The following FAT3 variants were observed in gnomAD, a reference collection of about 807,000 sequenced individuals.
FAT3 encodes the protein protocadherin Fat 3.
A neutral mutation model predicts 310.2 loss-of-function variants in FAT3; 95 were observed. The ratio of observed to expected loss-of-function variants is 0.31; its 90% CI spans 0.26 to 0.36. FAT3 has a LOEUF of 0.36. Ranked by LOEUF, FAT3 falls within the 10% of genes least tolerant of loss-of-function variation. FAT3 has a pLI of 1.00. For missense variants in FAT3, 5,408 were observed against 5,715.6 expected, an observed-to-expected ratio of 0.95 and a Z score of 1.74; for synonymous variants, 2,314 against 2,192.9, an observed-to-expected ratio of 1.06 and a Z score of -1.54.
intron 2 of FAT3, among the ~76,000 whole-genome samples, chr11:92,429,449 T>A (rs557108017): frequency 6.6e-6 from 1 of 152,302 alleles, no homozygotes; most frequent in Admixed American, 6.5e-5. Context: ...TTTTGCCCAT[T>A]AGTTGATGCA....
At chr11:92,376,545 A>G (rs999924347) in intron 2 of FAT3, among the ~76,000 whole-genome samples, 5 of 152,170 alleles carry the variant, frequency 3.3e-5, no homozygotes, top group African/African-American at 9.7e-5. Context: ...TTTCAAGAAC[A>G]TGTCAACTGT....
At chr11:92,866,676 AG>A (rs1949254696) in intron 21 of FAT3, 64 bp from the exon 22 acceptor site, 4 of 1,434,178 alleles carry the variant, frequency 2.8e-6, no homozygotes, top group Admixed American at 4.2e-5. Flanking sequence ...GGCCAGGAGC[AG>A]GGTGTAGGGA....
rs114955139 is a variant in FAT3, at chr11:92,738,233, G to T, written c.3670-23623G>T. On this transcript the variant is annotated intron_variant, in intron 4 of 27. Coordinates refer to ENST00000525166, the MANE Select transcript of FAT3 (RefSeq NM_001367949.2). ...GAAGAATTCCGTAATCACCTTATGA[G>T]AAGAGAACTCAATAATATAGATTTT... 4.8e-3 allele frequency among the ~76,000 whole-genome samples: 729 copies of T among 152,236 alleles called. 6 individuals are homozygous for T. The highest frequency in any genetic ancestry group is 0.016 in the African/African-American group (682 of 41,544).
intron 13 of FAT3, among the ~76,000 whole-genome samples, chr11:92,812,741 A>G (rs1051574159): frequency 1.3e-5 from 2 of 152,240 alleles, no homozygotes; most frequent in Admixed American, 6.5e-5. Flanking sequence ...CAGGTCCCAC[A>G]TGGCAGGAGC....
intron 1 of FAT3, among the ~76,000 whole-genome samples, chr11:92,230,229 A>G (rs2134225912): frequency 1.8e-4 from 2 of 10,830 alleles, no homozygotes; most frequent in East Asian, 0.013. Flanking sequence ...GTCACATGGA[A>G]TTTAAAATAA....
At chr11:92,622,407 T>C (rs1436479808) in intron 3 of FAT3, among the ~76,000 whole-genome samples, 1 of 152,196 alleles carries the variant, frequency 6.6e-6, no homozygotes, top group Non-Finnish European at 1.5e-5. Flanking sequence ...ATCCCAATAA[T>C]ACCTTGCTAA....
chr11:92,398,566 C>T (rs1251791483), intron 2 of FAT3, among the ~76,000 whole-genome samples: 1 of 151,206 alleles, frequency 6.6e-6, no homozygotes, highest in Non-Finnish European at 1.5e-5. Context: ...AATTGGAGCC[C>T]ACCCTATTAA....
intron 2 of FAT3, among the ~76,000 whole-genome samples, chr11:92,362,266 GAGACACA>G (rs1948901410): frequency 6.6e-6 from 1 of 152,182 alleles, no homozygotes; most frequent in Non-Finnish European, 1.5e-5. Context: ...AAAGGTATTT[GAGACACA>G]TTAATTACTG....
intron 1 of FAT3, among the ~76,000 whole-genome samples, chr11:92,247,943 G>C (rs146589688): frequency 6.6e-6 from 1 of 152,088 alleles, no homozygotes; most frequent in Admixed American, 6.6e-5. Context: ...AATGGCTACT[G>C]TACTCTAGTC....
At chr11:92,279,219 TTC>T (rs1283881209) in intron 1 of FAT3, among the ~76,000 whole-genome samples, 3 of 152,160 alleles carry the variant, frequency 2.0e-5, no homozygotes, top group Non-Finnish European at 4.4e-5. Context: ...GCTCAGCTGC[TTC>T]TGTCCATGGA....
intron 1 of FAT3, among the ~76,000 whole-genome samples, chr11:92,237,088 G>A (rs1044655189): frequency 2.6e-5 from 4 of 152,122 alleles, no homozygotes; most frequent in African/African-American, 4.8e-5. Flanking sequence ...CAGCATCATG[G>A]TGGAGCAAGA....
At chr11:92,721,582 A>G (rs1944859928) in intron 4 of FAT3, among the ~76,000 whole-genome samples, 1 of 152,346 alleles carries the variant, frequency 6.6e-6, no homozygotes, top group African/African-American at 2.4e-5. Flanking sequence ...TCAACTGCCT[A>G]AGGAATTTTT....
intron 6 of FAT3, 114 bp from the exon 7 acceptor site, chr11:92,773,927 A>T: frequency 9.2e-7 from 1 of 1,083,660 alleles, no homozygotes; most frequent in Non-Finnish European, 1.3e-6. Context: ...ATTGAGCCAT[A>T]GGGATGCCTG....
chr11:92,617,998 T>A (rs1011071099), intron 3 of FAT3, among the ~76,000 whole-genome samples: 4 of 152,184 alleles, frequency 2.6e-5, no homozygotes, highest in Non-Finnish European at 4.4e-5. Flanking sequence ...GAACCACTAC[T>A]CTCTTCAAAG....
At position 92,891,164 on chromosome 11, in the gene FAT3, G is replaced by C. The variant is rs2136451599; in HGVS notation, c.*51G>C. ...TGTTTGTTACAGAAAAGTGGAAGCA[G>C]ATTGGCTGGGCTTCTGTCCCAGTGG... is the stretch of plus-strand genomic sequence containing the variant. On this transcript the variant is annotated 3_prime_UTR_variant, in exon 28 of 28. Coordinates refer to ENST00000525166, the MANE Select transcript of FAT3 (RefSeq NM_001367949.2). 1.3e-6 allele frequency: 2 copies of C among 1,586,620 alleles called. No individual in the cohort carries two copies. The highest frequency in any genetic ancestry group is 8.6e-7 in the Non-Finnish European group (1 of 1,166,802).
chr11:92,461,846 C>T (rs186748363), intron 2 of FAT3, among the ~76,000 whole-genome samples: 3 of 152,278 alleles, frequency 2.0e-5, no homozygotes, highest in Non-Finnish European at 4.4e-5. Flanking sequence ...ACCCTCGCCT[C>T]GACTTGCTGT....
At chr11:92,234,313 C>G (rs1864320391) in intron 1 of FAT3, among the ~76,000 whole-genome samples, 1 of 151,978 alleles carries the variant, frequency 6.6e-6, no homozygotes, top group Non-Finnish European at 1.5e-5. Flanking sequence ...CGTTTTTGTT[C>G]AAATATATAA....
chr11:92,455,822 C>A (rs933622703), intron 2 of FAT3, among the ~76,000 whole-genome samples: 2 of 152,132 alleles, frequency 1.3e-5, no homozygotes, highest in African/African-American at 4.8e-5. Flanking sequence ...AATAAACACA[C>A]AATAAATGTT....
chr11:92,523,743 A>G (rs1203849242), intron 2 of FAT3, among the ~76,000 whole-genome samples: 2 of 152,146 alleles, frequency 1.3e-5, no homozygotes, highest in Non-Finnish European at 2.9e-5. Flanking sequence ...TCCCATCACG[A>G]TGGGCTCATG....
Sources: gnomAD v4.1 joint callset for allele counts (sites outside exome capture counted in the v4.1 genomes callset) on GRCh38, gnomAD v4.1.1 for gene constraint, MANE v1.5 for transcripts, NCBI Gene and HGNC (gene_info 2026-07-23, HGNC 2026-07-21) for gene names.